Variants in GYS1 observed in about 807,000 individuals in gnomAD.
GYS1 encodes glycogen synthase 1.
Under a neutral mutation model 89.1 loss-of-function variants are expected in GYS1, and 60 were observed. That is an observed-to-expected ratio of 0.67 (90% confidence interval 0.55 to 0.84). The LOEUF (loss-of-function observed/expected upper bound fraction) is 0.84, where lower values mean the gene tolerates loss of function less well. GYS1 is among the 40% of genes least tolerant of loss of function. GYS1 has a pLI of 0.00. For synonymous variants in GYS1, 366 were observed against 401.7 expected, an observed-to-expected ratio of 0.91 and a Z score of 1.06; for missense variants, 888 against 1,003.1, an observed-to-expected ratio of 0.89 and a Z score of 1.55.
rs2122519311 is a variant in GYS1, at chr19:48,985,603, G to A, written c.681C>T (p.Phe227=). 6.2e-7 allele frequency: 1 copy of A among 1,614,092 alleles called. No homozygotes were observed. The highest frequency in any genetic ancestry group is 8.5e-7 in the Non-Finnish European group (1 of 1,179,994). The part of the protein sequence containing the change: ...AVDFYNNLEN[F]NVDKEAGERQ... ...TCTCCCCTGCTTCCTTGTCCACGTT[G>A]AACTGGGTGGGAGGGGACAGCAGTC... The change falls in exon 5 of 16, where the codon TTC becomes TTT. Residue 227 remains phenylalanine (F), a splice_region_variant and synonymous_variant. Coordinates refer to ENST00000323798, the MANE Select transcript of GYS1 (RefSeq NM_002103.5).
intron 9 of GYS1, 39 bp from the exon 10 acceptor site, chr19:48,978,041 A>G (rs1213261061): frequency 6.2e-7 from 1 of 1,608,502 alleles, no homozygotes; most frequent in Non-Finnish European, 8.5e-7. Flanking sequence ...AGAACGGAGT[A>G]ATGAGAGGGG....
chr19:48,982,709 G>T lies in GYS1; in HGVS notation c.941+11C>A. On this transcript the variant is annotated intron_variant, in intron 6 of 15. Coordinates refer to ENST00000323798, the MANE Select transcript of GYS1 (RefSeq NM_002103.5). ...CTCCTCTCTTAAGACCTAGGTATAT[G>T]CCCCACGTACCCATAAAAATGGCCC... 6.5e-7 allele frequency: 1 copy of T among 1,532,884 alleles called. No individual in the cohort carries two copies. Among genetic ancestry groups the T allele is most frequent in the Non-Finnish European group, 9.0e-7 (1 of 1,106,280 alleles). 95.0% of individuals were successfully genotyped at this position (1,532,884 alleles called of 1,614,324 possible).
chr19:48,982,476 T>A lies in GYS1; in HGVS notation c.942-101A>T. 7 of 1,391,968 alleles carry A rather than the reference T, an allele frequency of 5.0e-6. No homozygotes were observed. In the South Asian group the frequency reaches 8.2e-5, roughly 16 times the overall value. 86.2% of individuals were successfully genotyped at this position (1,391,968 alleles called of 1,614,324 possible). A position where few individuals can be genotyped will look rare whatever the true frequency, so the allele number is the denominator to read the frequency against. On this transcript the variant is annotated intron_variant, in intron 6 of 15. Coordinates refer to ENST00000323798, the MANE Select transcript of GYS1 (RefSeq NM_002103.5). ...AAGCTATGGGTGGGGGGGCAGAGGA[T>A]GTCTTAGGTAATACAGAGGCATCAC...
At chr19:48,981,160 A>T (rs142550294) in intron 8 of GYS1, among the ~76,000 whole-genome samples, 1,797 of 151,744 alleles carry the variant, frequency 0.012, 31 homozygotes, top group African/African-American at 0.042. Context: ...CATGCCTGTA[A>T]TTCCAGCACT....
intron 14 of GYS1, chr19:48,970,258 G>A (rs2038540202): frequency 2.3e-5 from 11 of 471,416 alleles, no homozygotes; most frequent in South Asian, 2.2e-4. Context: ...CCCAGTAGCT[G>A]GGACTACAGG....
rs1042265 is a variant in GYS1, at chr19:48,968,563, G to A, written c.*725C>T. The A allele has an allele frequency of 0.095, 43,182 of 454,382 alleles. 2,262 individuals carry two copies. The highest frequency in any genetic ancestry group is 0.15 in the Admixed American group (6,504 of 42,550). The allele number at this position is 454,382 out of a possible 1,614,324, so 28.1% of individuals were successfully genotyped here. A position where few individuals can be genotyped will look rare whatever the true frequency, so the allele number is the denominator to read the frequency against. Reference sequence around the variant, plus strand: ...AAGAGTAGGATCTGGTCCAGAAAGGGCCAGAAAGACAGGAAGGCATCTGGA... The same window carrying A: ...AAGAGTAGGATCTGGTCCAGAAAGGACCAGAAAGACAGGAAGGCATCTGGA... On this transcript the variant is annotated 3_prime_UTR_variant, in exon 16 of 16. Coordinates refer to ENST00000323798, the MANE Select transcript of GYS1 (RefSeq NM_002103.5).
chr19:48,970,036 C>T (rs767773522), intron 14 of GYS1, among the ~76,000 whole-genome samples, 181 bp from the exon 15 acceptor site: 20 of 152,190 alleles, frequency 1.3e-4, no homozygotes, highest in Non-Finnish European at 2.5e-4. Flanking sequence ...TGGACAGTTT[C>T]TGAGCCATAC....
rs1454934560 is a variant in GYS1, at chr19:48,969,061, T to C, written c.*227A>G. On this transcript the variant is annotated 3_prime_UTR_variant, in exon 16 of 16. Transcript: ENST00000323798. ...CCAGGCCCAGGGGACTCCAGGGCGC[T>C]GATTATGCATATTCTGGAGCCAGAG... 1 of 645,700 alleles carries C rather than the reference T, an allele frequency of 1.5e-6. No individual in the cohort carries two copies. The highest frequency in any genetic ancestry group is 1.8e-5 in the African/African-American group (1 of 54,622). 40.0% of individuals were successfully genotyped at this position (645,700 alleles called of 1,614,324 possible). A position where few individuals can be genotyped will look rare whatever the true frequency, so the allele number is the denominator to read the frequency against.
chr19:48,983,912 C>T (rs2038802526), intron 5 of GYS1, among the ~76,000 whole-genome samples: 1 of 152,190 alleles, frequency 6.6e-6, no homozygotes, highest in Admixed American at 6.5e-5. Flanking sequence ...ACCACCCCCA[C>T]AGCCTTCTGG....
chr19:48,991,728 G>A lies in GYS1; in HGVS notation c.119-245C>T, dbSNP rs939125049. 6.6e-6 allele frequency among the ~76,000 whole-genome samples: 1 copy of A among 152,068 alleles called. No homozygotes were observed. The highest frequency in any genetic ancestry group is 2.4e-5 in the African/African-American group (1 of 41,400). On this transcript the variant is annotated intron_variant, in intron 1 of 15. Transcript: ENST00000323798. This position sits in a 1 kb window ranked among gnomAD's most constrained non-coding sequence, Gnocchi z 4.7. ...GGCTGGGGTCAGGACCCTGAAGGAG[G>A]AGGGGGCTCAGGCTAGACTTCTGGG...
intron 10 of GYS1, among the ~76,000 whole-genome samples, chr19:48,975,298 T>A (rs1013050009): frequency 6.6e-6 from 1 of 150,760 alleles, no homozygotes; most frequent in Non-Finnish European, 1.5e-5. Flanking sequence ...GGTCTCGAAC[T>A]CATGGGCTCA....
In GYS1 at chr19:48,974,446, T is replaced by A; in HGVS notation, c.1423-107A>T. On this transcript the variant is annotated intron_variant, in intron 11 of 15. Transcript: ENST00000323798. ...AAAGCTTGTCTAGCATCACACAGCA[T>A]GTGTTTGGCAGGACCAATGTTCAAA... 2.3e-6 allele frequency: 3 copies of A among 1,328,246 alleles called. No homozygotes were observed. The South Asian group carries it at 3.6e-5, about 16-fold the overall frequency. The allele number at this position is 1,328,246 out of a possible 1,614,324, so 82.3% of individuals were successfully genotyped here. A position where few individuals can be genotyped will look rare whatever the true frequency, so the allele number is the denominator to read the frequency against.
At chr19:48,969,918 A>G in intron 14 of GYS1, 63 bp from the exon 15 acceptor site, 1 of 1,136,468 alleles carries the variant, frequency 8.8e-7, no homozygotes, top group Non-Finnish European at 1.3e-6. Context: ...CAGGCAGATG[A>G]TGGGGGTCTT....
intron 1 of GYS1, 36 bp downstream of exon 1, chr19:48,992,959 C>T (rs749257471): frequency 1.6e-6 from 2 of 1,231,796 alleles, no homozygotes; most frequent in South Asian, 1.2e-5. Context: ...CACTACTGTC[C>T]TTCTCGTCAA....
intron 10 of GYS1, among the ~76,000 whole-genome samples, chr19:48,977,228 C>T (rs1600137890): frequency 2.0e-5 from 3 of 152,272 alleles, no homozygotes; most frequent in Admixed American, 2.0e-4. Context: ...GCTTTGGCCT[C>T]TCAAAGTGCT....
In GYS1 at chr19:48,969,266, C is replaced by T. The variant is rs369405685; in HGVS notation, c.*22G>A. 9.0e-5 allele frequency: 137 copies of T among 1,525,798 alleles called. No homozygotes were observed. The African/African-American group carries it at 1.6e-3, about 18-fold the overall frequency. 94.5% of individuals were successfully genotyped at this position (1,525,798 alleles called of 1,614,324 possible). Reference sequence around the variant, plus strand: ...CTCTGGAGCAGAGAGGCAGGACAGGCGGGGAGTGTGGTGGGGCGGACTTAG... The same window carrying T: ...CTCTGGAGCAGAGAGGCAGGACAGGTGGGGAGTGTGGTGGGGCGGACTTAG... On this transcript the variant is annotated 3_prime_UTR_variant, in exon 16 of 16. Coordinates refer to ENST00000323798, the MANE Select transcript of GYS1 (RefSeq NM_002103.5).
chr19:48,970,356 GC>G, intron 14 of GYS1, 189 bp downstream of exon 14: 1 of 602,390 alleles, frequency 1.7e-6, no homozygotes, highest in Non-Finnish European at 3.0e-6. Flanking sequence ...CTGAGCTCAT[GC>G]GATCCTTCCT....
In GYS1 at chr19:48,977,971, C is replaced by G. The variant is rs763908374; in HGVS notation, c.1261G>C (p.Asp421His). The change falls in exon 10 of 16, where the codon GAT (aspartate) becomes CAT (histidine). Residue 421 changes from aspartate (D) to histidine (H), a missense_variant. Transcript: ENST00000323798. ...GSLPDMNKML[D>H]KEDFTMMKRA... ...TTCATCATAGTGAAGTCTTCCTTAT[C>G]CAGCATCTTGTTCATGTCGGGAAGG... The G allele has an allele frequency of 5.0e-6, 8 of 1,613,852 alleles. No homozygotes were observed. Among genetic ancestry groups the G allele is most frequent in the Non-Finnish European group, 5.9e-6 (7 of 1,179,962 alleles).
At position 48,972,333 on chromosome 19, in the gene GYS1, CA is replaced by C. The variant is rs779421115; in HGVS notation, c.1550-1311del. 8.8e-3 allele frequency among the ~76,000 whole-genome samples: 1,143 copies of C among 130,304 alleles called. 6 individuals are homozygous for C. The highest frequency in any genetic ancestry group is 0.021 in the African/African-American group (747 of 35,402). The allele number at this position is 130,304 out of a possible 152,430, so 85.5% of individuals were successfully genotyped here. A position where few individuals can be genotyped will look rare whatever the true frequency, so the allele number is the denominator to read the frequency against. On this transcript the variant is annotated intron_variant, in intron 12 of 15. Transcript: ENST00000323798. Reference sequence around the variant, plus strand: ...CTGGCAATAGAGCAAGACTCTGTCTCAAAAAAAAAAAAAAATCTTTTATAGA... The same window carrying C: ...CTGGCAATAGAGCAAGACTCTGTCTCAAAAAAAAAAAAAATCTTTTATAGA...
Sources: allele counts gnomAD v4.1 joint callset (sites outside exome capture counted in the v4.1 genomes callset), GRCh38; gene constraint gnomAD v4.1.1; non-coding constraint Gnocchi (gnomAD v3.1); transcripts MANE v1.5; gene names NCBI Gene and HGNC (gene_info 2026-07-23, HGNC 2026-07-21).